ZZEF1: variants seen among roughly 807,000 people sequenced by gnomAD.
ZZEF1 encodes zinc finger ZZ-type and EF-hand domain containing 1.
In ZZEF1, 157 loss-of-function variants were observed where a neutral mutation model predicts 342.8. The ratio of observed to expected loss-of-function variants is 0.46; its 90% CI spans 0.40 to 0.52. ZZEF1 has a LOEUF of 0.52. ZZEF1 is among the 20% of genes least tolerant of loss of function. The pLI is 0.00. For missense variants in ZZEF1, 3,480 were observed against 3,725.6 expected, an observed-to-expected ratio of 0.93 and a Z score of 1.72; for synonymous variants, 1,505 against 1,429.1, an observed-to-expected ratio of 1.05 and a Z score of -1.20.
rs369397947 is a variant in ZZEF1 at position 4,024,323 on chromosome 17, G to A, written c.7092+596C>T. 5.3e-5 allele frequency among the ~76,000 whole-genome samples: 8 copies of A among 149,568 alleles called. No individual in the cohort carries two copies. In the South Asian group the frequency reaches 1.1e-3, roughly 20 times the overall value. Reference sequence around the variant, plus strand: ...AGTGATTCTCATGCCTCAGCCTCCCGAGTAGCTGGGATTACAGGCACGTAC... The same window carrying A: ...AGTGATTCTCATGCCTCAGCCTCCCAAGTAGCTGGGATTACAGGCACGTAC... On this transcript the variant is annotated intron_variant, in intron 43 of 54. Transcript: ENST00000381638.
At chr17:4,129,606 A>G (rs1190513050) in intron 1 of ZZEF1, among the ~76,000 whole-genome samples, 1 of 152,114 alleles carries the variant, frequency 6.6e-6, no homozygotes, top group Non-Finnish European at 1.5e-5. Flanking sequence ...TGGGAGGCCG[A>G]GGCGGATGGA....
chr17:4,043,721 C>T (rs1016902516), intron 38 of ZZEF1, among the ~76,000 whole-genome samples: 20 of 152,352 alleles, frequency 1.3e-4, no homozygotes, highest in Non-Finnish European at 2.9e-4. Flanking sequence ...TCCTGTTGGC[C>T]TTTCTTCTCC....
At chr17:4,083,697 G>C in intron 16 of ZZEF1, among the ~76,000 whole-genome samples, 1 of 149,602 alleles carries the variant, frequency 6.7e-6, no homozygotes, top group East Asian at 2.0e-4. Flanking sequence ...AAGTGCAGTG[G>C]CGTGATCTCC....
At chr17:4,089,135 T>C (rs1362233595) in intron 12 of ZZEF1, among the ~76,000 whole-genome samples, 1 of 152,156 alleles carries the variant, frequency 6.6e-6, no homozygotes, top group African/African-American at 2.4e-5. Flanking sequence ...AATTGCATCA[T>C]TACTCCCTCT....
intron 6 of ZZEF1, among the ~76,000 whole-genome samples, chr17:4,107,895 G>A (rs938554301): frequency 2.6e-4 from 40 of 152,174 alleles, no homozygotes; most frequent in African/African-American, 8.7e-4. Context: ...TTCAAGATAA[G>A]CCTGGAATAT....
intron 11 of ZZEF1, among the ~76,000 whole-genome samples, chr17:4,095,483 T>C (rs1023046350): frequency 3.3e-5 from 5 of 152,140 alleles, no homozygotes; most frequent in African/African-American, 4.8e-5. Context: ...ACTTAATAAG[T>C]ATTTGTGTTA....
At chr17:4,084,158 T>C (rs889002051) in intron 16 of ZZEF1, among the ~76,000 whole-genome samples, 1 of 152,222 alleles carries the variant, frequency 6.6e-6, no homozygotes, top group Non-Finnish European at 1.5e-5. Context: ...TCAAATACAT[T>C]GCTTATTGTG....
At chr17:4,055,952 T>A (rs995553667) in intron 33 of ZZEF1, among the ~76,000 whole-genome samples, 11 of 152,226 alleles carry the variant, frequency 7.2e-5, no homozygotes, top group Admixed American at 2.0e-4. Context: ...ATGCCTCGCA[T>A]GCGCGGTTTA....
Position 4,134,774 on chromosome 17 carries a change from C to A in ZZEF1, c.354+7768G>T, listed in dbSNP as rs531627153. 1.4e-4 allele frequency among the ~76,000 whole-genome samples: 21 copies of A among 152,040 alleles called. 1 individual carries two copies. The highest frequency in any genetic ancestry group is 2.4e-4 in the Non-Finnish European group (16 of 68,006). ...AATTAACCACTATACCATGGGCCAA[C>A]AGACACTCCAGGGATGAGAAGTCCG... On this transcript the variant is annotated intron_variant, in intron 1 of 54. Coordinates refer to ENST00000381638, the MANE Select transcript of ZZEF1 (RefSeq NM_015113.4).
intron 23 of ZZEF1, 31 bp downstream of exon 23, chr17:4,075,066 G>C: frequency 6.2e-7 from 1 of 1,603,756 alleles, no homozygotes; most frequent in Non-Finnish European, 8.5e-7. Flanking sequence ...TGGTGCAGAA[G>C]TAGGTACCTC....
chr17:4,026,607 C>T (rs2056411527), intron 42 of ZZEF1, among the ~76,000 whole-genome samples: 2 of 151,598 alleles, frequency 1.3e-5, no homozygotes, highest in African/African-American at 2.4e-5. Flanking sequence ...CTGCAACCTC[C>T]ACCTCCCAGG....
In ZZEF1 at chr17:4,128,304, C is replaced by T. The variant is rs1278869070; in HGVS notation, c.355-4253G>A. On this transcript the variant is annotated intron_variant, in intron 1 of 54. Coordinates refer to ENST00000381638, the MANE Select transcript of ZZEF1 (RefSeq NM_015113.4). ...CAGAGGTTGCAGTGAGCTGAGATGG[C>T]GCCACCGCACTCCAGCCTGGGTGAC... 8.6e-5 allele frequency among the ~76,000 whole-genome samples: 11 copies of T among 127,768 alleles called. No individual in the cohort carries two copies. In the South Asian group the frequency reaches 1.1e-3, roughly 12 times the overall value. The allele number at this position is 127,768 out of a possible 152,430, so 83.8% of individuals were successfully genotyped here. A position where few individuals can be genotyped will look rare whatever the true frequency, so the allele number is the denominator to read the frequency against.
rs761262540 is a variant in ZZEF1 at position 4,013,503 on chromosome 17, T to A, written c.8525A>T (p.Gln2842Leu). Residue 2842 changes from glutamine (Q) to leucine (L), a missense_variant, in exon 52 of 55, where the codon CAA becomes CTA. Gln to Leu is a moderately radical substitution (Grantham distance 113). Transcript: ENST00000381638. ...AAGTAAGTGGATGGCTTTTAATCGT[T>A]GATGGCCAGTCTGGCGACAGGCCAC... ...VGVACRQTGH[Q>L]RLKAIHLLLR... 14 of 1,613,842 alleles carry A rather than the reference T, an allele frequency of 8.7e-6. No individual in the cohort carries two copies. The Admixed American group carries it at 2.2e-4, about 25-fold the overall frequency.
At position 4,019,577 on chromosome 17, in the gene ZZEF1, G is replaced by A. The variant is rs1337712437; in HGVS notation, c.7505+92C>T. 38 of 1,165,020 alleles carry A rather than the reference G, an allele frequency of 3.3e-5. No homozygotes were observed. In the Admixed American group the frequency reaches 3.9e-4, roughly 12 times the overall value. The allele number at this position is 1,165,020 out of a possible 1,614,324, so 72.2% of individuals were successfully genotyped here. A position where few individuals can be genotyped will look rare whatever the true frequency, so the allele number is the denominator to read the frequency against. ...TTCCCGGCCTGTCGGAGCGTCGATC[G>A]ATCCAGAAGCTGCTGCCAGGAGGCG... is the stretch of plus-strand genomic sequence containing the variant. On this transcript the variant is annotated intron_variant, in intron 46 of 54. Coordinates refer to ENST00000381638, the MANE Select transcript of ZZEF1 (RefSeq NM_015113.4).
intron 12 of ZZEF1, 75 bp downstream of exon 12, chr17:4,090,644 G>A: frequency 8.3e-7 from 1 of 1,212,076 alleles, no homozygotes; most frequent in Non-Finnish European, 1.2e-6. Flanking sequence ...ATTGGCACAG[G>A]GCTGATACAC....
intron 26 of ZZEF1, among the ~76,000 whole-genome samples, chr17:4,069,814 G>C (rs992037981): frequency 2.0e-5 from 3 of 152,168 alleles, no homozygotes; most frequent in Admixed American, 6.5e-5. Context: ...CTGGGTGACA[G>C]AGTGAGACTC....
rs1415998510 is a variant in ZZEF1 at position 4,087,509 on chromosome 17, T to C, written c.2267A>G (p.Lys756Arg). ...DLVQQKESGL[K>R]YKSFLDFAGL... ...CGCGAAGTCCAGAAAAGATTTATAT[T>C]TTAAGCCACTTTCCTTCTGCTGCAC... is the stretch of plus-strand genomic sequence containing the variant. The change falls in exon 14 of 55, where the codon AAA becomes AGA. Residue 756 changes from lysine (K) to arginine (R), a missense_variant. Transcript: ENST00000381638. The C allele has an allele frequency of 6.2e-7, 1 of 1,609,586 alleles. No homozygotes were observed. The highest frequency in any genetic ancestry group is 1.3e-5 in the African/African-American group (1 of 74,702).
rs1331063959 is a variant in ZZEF1, at chr17:4,078,030, T to A, written c.2842A>T (p.Met948Leu). ...SVAARECELL[M>L]LSGAPGEVGS... ...ACCTCCCCTGGGGCCCCACTGAGCA[T>A]TAACAGCTCGCACTACAAGGGAGGA... Residue 948 changes from methionine (M) to leucine (L), a missense_variant, in exon 19 of 55, where the codon ATG (methionine) becomes TTG (leucine). By Grantham distance (15) the Met-to-Leu change is conservative. Coordinates refer to ENST00000381638, the MANE Select transcript of ZZEF1 (RefSeq NM_015113.4). 6.2e-7 allele frequency: 1 copy of A among 1,613,808 alleles called. No homozygotes were observed. The highest frequency in any genetic ancestry group is 8.5e-7 in the Non-Finnish European group (1 of 1,179,920).
At chr17:4,015,958 T>G (rs773323693) in intron 49 of ZZEF1, among the ~76,000 whole-genome samples, 2 of 152,066 alleles carry the variant, frequency 1.3e-5, no homozygotes, top group African/African-American at 4.8e-5. Flanking sequence ...GGTCATGAGG[T>G]GGCAGCTGAA....
Sources: allele counts gnomAD v4.1 joint callset (sites outside exome capture counted in the v4.1 genomes callset), GRCh38; gene constraint gnomAD v4.1.1; transcripts MANE v1.5; gene names NCBI Gene and HGNC (gene_info 2026-07-23, HGNC 2026-07-21).